The following SNX29 variants were observed in gnomAD, a reference collection of about 807,000 sequenced individuals.
SNX29 encodes the protein sorting nexin 29.
A neutral mutation model predicts 102.1 loss-of-function variants in SNX29; 78 were observed. The ratio of observed to expected loss-of-function variants is 0.76; its 90% confidence interval spans 0.64 to 0.92. SNX29 has a LOEUF of 0.92. Ranked by LOEUF, SNX29 falls within the 40% of genes least tolerant of loss-of-function variation. SNX29 has a pLI of 0.00. For synonymous variants in SNX29, 580 were observed against 414.5 expected (o/e 1.40, Z -4.85); for missense variants, 1,280 against 1,061.7 (o/e 1.21, Z -2.86).
At chr16:12,077,604 T>C (rs183492109) in intron 10 of SNX29, among the ~76,000 whole-genome samples, 1 of 152,276 alleles carries the variant, frequency 6.6e-6, no homozygotes, top group Non-Finnish European at 1.5e-5. Flanking sequence ...CATGGTTAAG[T>C]TGCTTTGAGG....
At chr16:12,109,140 A>C (rs1323640014) in intron 11 of SNX29, among the ~76,000 whole-genome samples, 1 of 149,550 alleles carries the variant, frequency 6.7e-6, no homozygotes, top group African/African-American at 2.5e-5. Flanking sequence ...AAAAAAAAAA[A>C]AAAAAAAAAA....
At chr16:12,545,955 G>A (rs894430353) in intron 20 of SNX29, among the ~76,000 whole-genome samples, 13 of 152,176 alleles carry the variant, frequency 8.5e-5, no homozygotes, top group African/African-American at 2.4e-4. Flanking sequence ...TGACAACTAA[G>A]GGCAGGATGT....
At chr16:11,986,229 G>C (rs959210659) in intron 1 of SNX29, among the ~76,000 whole-genome samples, 2 of 151,898 alleles carry the variant, frequency 1.3e-5, no homozygotes, top group African/African-American at 2.4e-5. Flanking sequence ...CTGTCCGGGA[G>C]CCCTTCAGAG....
chr16:12,262,084 G>A (rs539792743), intron 14 of SNX29, among the ~76,000 whole-genome samples: 1 of 150,338 alleles, frequency 6.7e-6, no homozygotes, highest in Non-Finnish European at 1.5e-5. Context: ...CTGTGCGCGC[G>A]TCCCCGGCTG....
intron 13 of SNX29, among the ~76,000 whole-genome samples, chr16:12,137,138 A>G (rs2054692648): frequency 6.6e-6 from 1 of 152,192 alleles, no homozygotes; most frequent in Admixed American, 6.5e-5. Context: ...CGGGCAGCAA[A>G]AGCATGTCTC....
chr16:12,016,557 T>C (rs963450988), intron 3 of SNX29, among the ~76,000 whole-genome samples: 11 of 152,178 alleles, frequency 7.2e-5, no homozygotes, highest in Non-Finnish European at 1.6e-4. Flanking sequence ...GTGATCCAGT[T>C]TCTCTGTGTC....
At position 12,330,551 on chromosome 16, in the gene SNX29, G is replaced by A. The variant is rs529762515; in HGVS notation, c.1783-25612G>A. ...ATCCTCCCGACAGCTCTGGACGACAGGTGGTCACCATTGTCACCTTTTTAC... is the reference window on the plus strand; with the variant it reads ...ATCCTCCCGACAGCTCTGGACGACAAGTGGTCACCATTGTCACCTTTTTAC... On this transcript the variant is annotated intron_variant, in intron 15 of 20. Transcript: ENST00000566228. Among the ~76,000 whole-genome samples, 113 of 152,332 alleles carry A rather than the reference G, an allele frequency of 7.4e-4. No homozygotes were observed. The Middle Eastern group carries it at 0.01, about 14-fold the overall frequency.
intron 13 of SNX29, among the ~76,000 whole-genome samples, chr16:12,152,919 C>T (rs962559321): frequency 1.3e-5 from 2 of 152,164 alleles, no homozygotes; most frequent in Non-Finnish European, 2.9e-5. Context: ...CTCAGGACCC[C>T]GCACACAGTG....
At chr16:12,564,499 A>T (rs62028256) in intron 20 of SNX29, among the ~76,000 whole-genome samples, 30,652 of 152,208 alleles carry the variant, frequency 0.2, 4,033 homozygotes, top group Non-Finnish European at 0.29. Context: ...GAGTGTCTTA[A>T]CAGAAGGAAC....
rs77746425 is a variant in SNX29 at position 12,150,890 on chromosome 16, G to A, written c.1595+21132G>A. Among the ~76,000 whole-genome samples the A allele has an allele frequency of 7.5e-3, 1,148 of 152,250 alleles. 15 individuals are homozygous for A. The highest frequency in any genetic ancestry group is 0.026 in the African/African-American group (1,093 of 41,536). Reference sequence around the variant, plus strand: ...AGACAGAAGCGCTCAGATGGAGGAGGGTATGAGGCCGGATAGGACCCCTGT... The same window carrying A: ...AGACAGAAGCGCTCAGATGGAGGAGAGTATGAGGCCGGATAGGACCCCTGT... On this transcript the variant is annotated intron_variant, in intron 13 of 20. Transcript: ENST00000566228.
At chr16:12,069,025 G>A in intron 9 of SNX29, 32 bp from the exon 10 acceptor site, 10 of 1,605,852 alleles carry the variant, frequency 6.2e-6, no homozygotes, top group Non-Finnish European at 8.5e-6. Flanking sequence ...TGAGAAAAGT[G>A]ACCTCTTTCT....
intron 18 of SNX29, among the ~76,000 whole-genome samples, chr16:12,434,907 C>T (rs1259859572): frequency 6.9e-6 from 1 of 145,934 alleles, no homozygotes; most frequent in African/African-American, 2.6e-5. Flanking sequence ...TAAATTCAGC[C>T]TTCTGGGGTC....
chr16:12,464,389 G>A (rs564902860), intron 18 of SNX29, among the ~76,000 whole-genome samples: 46 of 152,058 alleles, frequency 3.0e-4, no homozygotes, highest in African/African-American at 1.1e-3. Flanking sequence ...GTGAATATGC[G>A]GGTCCACATA....
intron 13 of SNX29, among the ~76,000 whole-genome samples, chr16:12,136,516 AG>A (rs2054666744): frequency 6.6e-6 from 1 of 152,174 alleles, no homozygotes. Flanking sequence ...ATCCAAGGAC[AG>A]GTCACTTTCT....
chr16:11,989,004 ACT>A (rs1304016148), intron 1 of SNX29, among the ~76,000 whole-genome samples: 1 of 151,552 alleles, frequency 6.6e-6, no homozygotes, highest in Non-Finnish European at 1.5e-5. Context: ...ATGGAGTCAC[ACT>A]CTGTCGCCCA....
intron 20 of SNX29, among the ~76,000 whole-genome samples, chr16:12,561,729 C>T (rs12925945): frequency 0.26 from 39,899 of 152,016 alleles, 5,835 homozygotes; most frequent in East Asian, 0.44. Context: ...TTGCTAGCAG[C>T]AGGGAGGATG....
At chr16:12,022,336 G>T (rs1314435450) in intron 3 of SNX29, among the ~76,000 whole-genome samples, 1 of 151,772 alleles carries the variant, frequency 6.6e-6, no homozygotes, top group Non-Finnish European at 1.5e-5. Flanking sequence ...GAGTAGCTGG[G>T]ATTACAGGAG....
chr16:12,568,831 G>C lies in SNX29; in HGVS notation c.*202G>C. 1.3e-6 allele frequency: 1 copy of C among 776,570 alleles called. No individual in the cohort carries two copies. Among genetic ancestry groups the C allele is most frequent in the Non-Finnish European group, 2.0e-6 (1 of 503,526 alleles). 48.1% of individuals were successfully genotyped at this position (776,570 alleles called of 1,614,324 possible). A position where few individuals can be genotyped will look rare whatever the true frequency, so the allele number is the denominator to read the frequency against. Reference sequence around the variant, plus strand: ...TGATACCGTGACCCGAGAGACCAAGGCAGCACCTCGCTGGAGAGACTGGGA... The same window carrying C: ...TGATACCGTGACCCGAGAGACCAAGCCAGCACCTCGCTGGAGAGACTGGGA... On this transcript the variant is annotated 3_prime_UTR_variant, in exon 21 of 21. Transcript: ENST00000566228.
intron 20 of SNX29, among the ~76,000 whole-genome samples, chr16:12,560,465 C>T (rs975275587): frequency 6.6e-6 from 1 of 152,160 alleles, no homozygotes. Flanking sequence ...GGGTTCTTGC[C>T]TGGGAGTCAC....
Sources: gnomAD v4.1 joint callset for allele counts (sites outside exome capture counted in the v4.1 genomes callset) on GRCh38, gnomAD v4.1.1 for gene constraint, MANE v1.5 for transcripts, NCBI Gene and HGNC (gene_info 2026-07-23, HGNC 2026-07-21) for gene names.